Variants in NAV3 observed in about 807,000 individuals in gnomAD.
NAV3 encodes the protein pore membrane and/or filament interacting like protein 1.
In NAV3, 87 loss-of-function variants were observed where a neutral mutation model predicts 244.7. The ratio of observed to expected loss-of-function variants is 0.36; its 90% CI spans 0.30 to 0.42. NAV3 has a LOEUF of 0.42. NAV3 is among the 20% of genes least tolerant of loss of function. NAV3 has a pLI of 1.00. For synonymous variants in NAV3, 1,126 were observed against 1,042.2 expected, an observed-to-expected ratio of 1.08 and a Z score of -1.55; for missense variants, 2,663 against 2,893.3, an observed-to-expected ratio of 0.92 and a Z score of 1.83.
At chr12:77,736,691 T>C (rs540106062) in intron 2 of NAV3, among the ~76,000 whole-genome samples, 14 of 152,334 alleles carry the variant, frequency 9.2e-5, no homozygotes, top group African/African-American at 3.4e-4. Context: ...TACAAGGCCA[T>C]GAATACTGGA....
chr12:78,033,111 G>T lies in NAV3; in HGVS notation c.2023+11249G>T, dbSNP rs141735565. Among the ~76,000 whole-genome samples the T allele has an allele frequency of 1.4e-4, 21 of 152,260 alleles. No individual in the cohort carries two copies. In the East Asian group the frequency reaches 3.9e-3, roughly 28 times the overall value. The stretch of plus-strand genomic sequence containing the variant: ...AATTCAGGAAACCATTTTAGAAATA[G>T]AAGAATTTAGGTTAACCAGAAGGAT... On this transcript the variant is annotated intron_variant, in intron 9 of 39. Transcript: ENST00000397909.
At chr12:77,667,034 C>T (rs550247186) in intron 2 of NAV3, among the ~76,000 whole-genome samples, 5 of 152,192 alleles carry the variant, frequency 3.3e-5, no homozygotes, top group African/African-American at 9.6e-5. Flanking sequence ...TGTCCAAATC[C>T]GAAGAATACA....
intron 20 of NAV3, chr12:78,143,385 C>T (rs1565715065): frequency 4.5e-6 from 2 of 449,354 alleles, no homozygotes; most frequent in Non-Finnish European, 8.9e-6. Context: ...AATCTCAACA[C>T]TTTGGGAGGC....
In NAV3 at chr12:77,663,873, T is replaced by A. The variant is rs187457153; in HGVS notation, c.72+91607T>A. Among the ~76,000 whole-genome samples the A allele has an allele frequency of 2.1e-3, 322 of 152,344 alleles. 2 individuals are homozygous for A. Among genetic ancestry groups the A allele is most frequent in the African/African-American group, 7.4e-3 (309 of 41,584 alleles). On this transcript the variant is annotated intron_variant, in intron 2 of 8. Coordinates refer to the NAV3 transcript ENST00000550042. ...GTGAGCCAATATATGTGTCTGTATA[T>A]CTATGTATATAGTTATATGTAGATA...
intron 2 of NAV3, among the ~76,000 whole-genome samples, chr12:77,822,420 T>A (rs1416115447): frequency 6.6e-6 from 1 of 152,186 alleles, no homozygotes; most frequent in African/African-American, 2.4e-5. Context: ...ATATTGCCCC[T>A]TGTGCCCACA....
chr12:77,622,363 G>C (rs2136877068), intron 2 of NAV3, among the ~76,000 whole-genome samples: 1 of 151,910 alleles, frequency 6.6e-6, no homozygotes, highest in African/African-American at 2.4e-5. Context: ...GTTTCACCGT[G>C]TTAGCCAGGA....
chr12:78,192,108 A>G (rs918882083), intron 34 of NAV3, among the ~76,000 whole-genome samples: 2 of 151,766 alleles, frequency 1.3e-5, no homozygotes, highest in African/African-American at 4.9e-5. Flanking sequence ...CTATCCATCT[A>G]TCTATATATG....
intron 2 of NAV3, among the ~76,000 whole-genome samples, chr12:77,707,828 T>C (rs1875900193): frequency 6.6e-6 from 1 of 152,240 alleles, no homozygotes; most frequent in African/African-American, 2.4e-5. Flanking sequence ...GTGAGCATTT[T>C]TTCATGTGTC....
intron 38 of NAV3, among the ~76,000 whole-genome samples, chr12:78,204,226 G>GGATAGCAT (rs1594042209): frequency 6.6e-6 from 1 of 151,628 alleles, no homozygotes; most frequent in East Asian, 2.0e-4. Flanking sequence ...GAGGGGGGAG[G>GGATAGCAT]GATAGCATTA....
chr12:77,859,933 T>C (rs1879011713), intron 1 of NAV3, among the ~76,000 whole-genome samples: 2 of 151,882 alleles, frequency 1.3e-5, no homozygotes, highest in Non-Finnish European at 2.9e-5. Context: ...GATTATCTTT[T>C]GTTCCTTAGT....
rs1255443669 is a variant in NAV3, at chr12:77,940,182, T to G, written c.244-137T>G. On this transcript the variant is annotated intron_variant, in intron 1 of 39. Coordinates refer to ENST00000397909, the MANE Select transcript of NAV3 (RefSeq NM_001024383.2). Reference sequence around the variant, plus strand: ...GTTTAAAAATTACTTTACAACTATTTCCTTTAGAGCTATGACTTCTTAAAC... The same window carrying G: ...GTTTAAAAATTACTTTACAACTATTGCCTTTAGAGCTATGACTTCTTAAAC... 7.7e-6 allele frequency: 5 copies of G among 647,964 alleles called. No individual in the cohort carries two copies. In the African/African-American group the frequency reaches 9.1e-5, roughly 12 times the overall value. The allele number at this position is 647,964 out of a possible 1,614,324, so 40.1% of individuals were successfully genotyped here.
intron 3 of NAV3, among the ~76,000 whole-genome samples, chr12:77,951,153 G>T (rs183605535): frequency 2.2e-3 from 337 of 152,174 alleles, no homozygotes; most frequent in African/African-American, 7.4e-3. Flanking sequence ...TGGGAGAAAA[G>T]TTTTGCAATC....
chr12:78,116,926 T>C (rs376768511), intron 13 of NAV3, 22 bp downstream of exon 13: 1 of 1,608,382 alleles, frequency 6.2e-7, no homozygotes, highest in Non-Finnish European at 8.5e-7. Context: ...CACCTTTCTT[T>C]TTCCAGTGTT....
chr12:77,841,877 T>G (rs1316312367), intron 1 of NAV3, among the ~76,000 whole-genome samples: 3 of 150,188 alleles, frequency 2.0e-5, no homozygotes, highest in Non-Finnish European at 1.5e-5. Flanking sequence ...GGCTGGGAAT[T>G]CCACATATCA....
At chr12:77,624,917 A>G (rs770177392) in intron 2 of NAV3, among the ~76,000 whole-genome samples, 1 of 152,144 alleles carries the variant, frequency 6.6e-6, no homozygotes, top group Non-Finnish European at 1.5e-5. Flanking sequence ...AAGTCAACAC[A>G]TACAGTGAGG....
chr12:77,778,612 AG>A (rs1870506679), intron 2 of NAV3, among the ~76,000 whole-genome samples: 2 of 146,706 alleles, frequency 1.4e-5, no homozygotes, highest in Non-Finnish European at 3.0e-5. Flanking sequence ...ACTCCGTCTC[AG>A]AAAAAAAAAA....
At chr12:78,055,414 T>C (rs28506773) in intron 11 of NAV3, among the ~76,000 whole-genome samples, 1 of 152,212 alleles carries the variant, frequency 6.6e-6, no homozygotes, top group African/African-American at 2.4e-5. Flanking sequence ...ATACATGCAA[T>C]ATATGCAAGA....
intron 1 of NAV3, among the ~76,000 whole-genome samples, chr12:77,901,690 G>GGTGA (rs1885314794): frequency 1.3e-5 from 2 of 152,154 alleles, no homozygotes; most frequent in South Asian, 4.2e-4. Context: ...TGGGCAACAG[G>GGTGA]GTGAGACTCT....
intron 2 of NAV3, among the ~76,000 whole-genome samples, chr12:77,712,615 T>G (rs1476027491): frequency 6.6e-6 from 1 of 152,212 alleles, no homozygotes; most frequent in Non-Finnish European, 1.5e-5. Flanking sequence ...ATGGTTCTTA[T>G]AGTCTCTTGT....
Sources: allele counts gnomAD v4.1 joint callset (sites outside exome capture counted in the v4.1 genomes callset), GRCh38; gene constraint gnomAD v4.1.1; transcripts MANE v1.5; gene names NCBI Gene and HGNC (gene_info 2026-07-23, HGNC 2026-07-21).